Variants in ANKIB1 observed in about 807,000 individuals in gnomAD.
The protein encoded by ANKIB1 is ankyrin repeat and IBR domain containing 1, also known as ankyrin repeat and IBR domain-containing protein 1.
Under a neutral mutation model 122.1 loss-of-function variants are expected in ANKIB1, and 43 were observed. That is an observed-to-expected ratio of 0.35 (90% CI 0.28 to 0.45). The LOEUF is 0.45. ANKIB1 is among the 20% of genes least tolerant of loss of function. The pLI is 1.00. For missense variants in ANKIB1, 992 were observed against 1,329.5 expected, an observed-to-expected ratio of 0.75 and a Z score of 3.95; for synonymous variants, 390 against 442.0, an observed-to-expected ratio of 0.88 and a Z score of 1.48.
chr7:92,379,715 AT>A (rs1804468125), intron 11 of ANKIB1, among the ~76,000 whole-genome samples: 1 of 152,212 alleles, frequency 6.6e-6, no homozygotes, highest in South Asian at 2.1e-4. Flanking sequence ...ATATAGTCAG[AT>A]AAATGCCAAA....
chr7:92,375,886 C>A (rs1468366891), intron 11 of ANKIB1, among the ~76,000 whole-genome samples: 1 of 152,202 alleles, frequency 6.6e-6, no homozygotes, highest in East Asian at 1.9e-4. Context: ...CCGCTTAATC[C>A]ATAGGCTGCA....
At chr7:92,273,807 C>CTTT (rs1282860789) in intron 1 of ANKIB1, among the ~76,000 whole-genome samples, 1 of 150,968 alleles carries the variant, frequency 6.6e-6, no homozygotes, top group African/African-American at 2.4e-5. Context: ...GGGAATCACT[C>CTTT]TGTCACCAAG....
At chr7:92,372,164 T>C (rs993880261) in intron 11 of ANKIB1, among the ~76,000 whole-genome samples, 1 of 152,100 alleles carries the variant, frequency 6.6e-6, no homozygotes. Context: ...GGTTTCATAG[T>C]GTTGGGTTCT....
intron 1 of ANKIB1, among the ~76,000 whole-genome samples, chr7:92,280,312 C>A (rs540604225): frequency 6.6e-6 from 1 of 152,248 alleles, no homozygotes; most frequent in South Asian, 2.1e-4. Context: ...TTTATTTAAA[C>A]TCCTAGCAGT....
rs562242963 is a variant in ANKIB1 at position 92,386,489 on chromosome 7, A to G, written c.1618-20A>G. 14 of 1,574,986 alleles carry G rather than the reference A, an allele frequency of 8.9e-6. No homozygotes were observed. The South Asian group carries it at 1.7e-4, about 19-fold the overall frequency. ...CATATTAATATGGGGAGATGTTTTC[A>G]TCTGTGTTTTCTTTTGAAGTGCAAG... On this transcript the variant is annotated intron_variant, in intron 11 of 19. Transcript: ENST00000265742.
chr7:92,287,774 G>A (rs1381510360), intron 1 of ANKIB1, among the ~76,000 whole-genome samples: 1 of 152,138 alleles, frequency 6.6e-6, no homozygotes, highest in Non-Finnish European at 1.5e-5. Flanking sequence ...GGTGGCTCAT[G>A]CCTGTAATCC....
chr7:92,294,099 A>G (rs987201047), intron 1 of ANKIB1, among the ~76,000 whole-genome samples: 9 of 152,164 alleles, frequency 5.9e-5, no homozygotes, highest in Non-Finnish European at 1.5e-5. Context: ...CTTCATGTCC[A>G]GTGTTTGTTT....
intron 5 of ANKIB1, among the ~76,000 whole-genome samples, chr7:92,329,278 C>T (rs1413402986): frequency 1.3e-5 from 2 of 151,982 alleles, no homozygotes; most frequent in East Asian, 3.9e-4. Context: ...CCTTCAATAT[C>T]GATGTTTCTG....
chr7:92,396,601 C>G (rs1202215404), intron 18 of ANKIB1, 125 bp downstream of exon 18: 4 of 610,422 alleles, frequency 6.6e-6, no homozygotes, highest in Non-Finnish European at 8.7e-6. Flanking sequence ...GCAGATGTTT[C>G]TGTTGTGACA....
intron 1 of ANKIB1, among the ~76,000 whole-genome samples, chr7:92,279,052 CTG>C (rs202055901): frequency 1.4e-3 from 219 of 152,318 alleles, no homozygotes; most frequent in African/African-American, 5.1e-3. Flanking sequence ...CGGGATGAAA[CTG>C]TTCCACCTCA....
intron 5 of ANKIB1, among the ~76,000 whole-genome samples, chr7:92,329,529 C>A (rs1342605060): frequency 6.6e-6 from 1 of 152,124 alleles, no homozygotes; most frequent in East Asian, 1.9e-4. Flanking sequence ...CTTCAAAAAC[C>A]ACCTAAACAA....
At chr7:92,259,732 A>G (rs1052349567) in intron 1 of ANKIB1, among the ~76,000 whole-genome samples, 1 of 152,108 alleles carries the variant, frequency 6.6e-6, no homozygotes, top group African/African-American at 2.4e-5. Context: ...ATATAAGCAG[A>G]TTTTCCCTCA....
intron 1 of ANKIB1, among the ~76,000 whole-genome samples, chr7:92,257,282 T>G (rs1801468718): frequency 6.6e-6 from 1 of 152,282 alleles, no homozygotes; most frequent in South Asian, 2.1e-4. Context: ...GATTAGTTTC[T>G]GTGAAACTTA....
intron 5 of ANKIB1, among the ~76,000 whole-genome samples, chr7:92,335,650 TCTGATA>T (rs1803272337): frequency 6.6e-6 from 1 of 151,968 alleles, no homozygotes; most frequent in Non-Finnish European, 1.5e-5. Flanking sequence ...TTTTTCTTTA[TCTGATA>T]CTAATATAGC....
chr7:92,260,489 G>A (rs1422642700), intron 1 of ANKIB1, among the ~76,000 whole-genome samples: 1 of 152,064 alleles, frequency 6.6e-6, no homozygotes, highest in African/African-American at 2.4e-5. Flanking sequence ...GACTAGCCTG[G>A]GCAACATGAT....
At chr7:92,392,401 CTCTT>C (rs1416298729) in intron 17 of ANKIB1, 109 bp downstream of exon 17, 11 of 937,158 alleles carry the variant, frequency 1.2e-5, no homozygotes, top group Middle Eastern at 3.2e-4. Flanking sequence ...GCAGTGCTGT[CTCTT>C]TCTTTTGTAA....
At chr7:92,382,996 A>C (rs938487501) in intron 11 of ANKIB1, among the ~76,000 whole-genome samples, 12 of 152,296 alleles carry the variant, frequency 7.9e-5, no homozygotes, top group Admixed American at 7.2e-4. Context: ...ACCGCTAGCA[A>C]GACTAATAAA....
chr7:92,346,873 T>C (rs887697141), intron 7 of ANKIB1, among the ~76,000 whole-genome samples: 1 of 152,218 alleles, frequency 6.6e-6, no homozygotes, highest in African/African-American at 2.4e-5. Context: ...AAGAAATGTA[T>C]GGTAAGATTT....
intron 1 of ANKIB1, among the ~76,000 whole-genome samples, chr7:92,261,693 G>A (rs553414239): frequency 1.2e-4 from 18 of 152,084 alleles, no homozygotes; most frequent in Non-Finnish European, 2.5e-4. Context: ...GTTCATTTTA[G>A]TATTTTTGTG....
Sources: allele counts gnomAD v4.1 joint callset (sites outside exome capture counted in the v4.1 genomes callset), GRCh38; gene constraint gnomAD v4.1.1; transcripts MANE v1.5; gene names NCBI Gene and HGNC (gene_info 2026-07-23, HGNC 2026-07-21).